The following NDUFA9 variants were observed in gnomAD, a reference collection of about 807,000 sequenced individuals.
NDUFA9 encodes the protein NADH dehydrogenase [ubiquinone] 1 alpha subcomplex subunit 9, mitochondrial.
Under a neutral mutation model 45.9 loss-of-function variants are expected in NDUFA9, and 23 were observed. That is an observed-to-expected ratio of 0.50 (90% CI 0.36 to 0.71). The LOEUF (loss-of-function observed/expected upper bound fraction) is 0.71, where lower values mean the gene tolerates loss of function less well. Ranked by LOEUF, NDUFA9 falls within the 30% of genes least tolerant of loss-of-function variation. NDUFA9 has a pLI of 0.00. For missense variants in NDUFA9, 466 were observed against 488.2 expected (o/e 0.95, Z 0.43); for synonymous variants, 176 against 170.5 (o/e 1.03, Z -0.25).
chr12:4,672,115 C>T (rs117797102), intron 8 of NDUFA9, among the ~76,000 whole-genome samples: 2,469 of 152,200 alleles, frequency 0.016, 34 homozygotes, highest in Middle Eastern at 0.048. Context: ...GGTGGGGTGT[C>T]GCTTCACCCG....
In NDUFA9 at chr12:4,649,263, A is replaced by G. The variant is rs1388593340; in HGVS notation, c.49+88A>G. The G allele has an allele frequency of 3.4e-6, 5 of 1,454,438 alleles. No homozygotes were observed. The African/African-American group carries it at 7.0e-5, about 20-fold the overall frequency. 90.1% of individuals were successfully genotyped at this position (1,454,438 alleles called of 1,614,324 possible). A position where few individuals can be genotyped will look rare whatever the true frequency, so the allele number is the denominator to read the frequency against. The stretch of plus-strand genomic sequence containing the variant: ...GAAGTGGCACCGTGCTGCAGCGGTC[A>G]CGCCAACTTCCTAGGCACACTCTGG... On this transcript the variant is annotated intron_variant, in intron 1 of 10. Transcript: ENST00000266544.
rs746167378 is a variant in NDUFA9 at position 4,687,087 on chromosome 12, G to T, written c.1113G>T (p.Pro371=). ...CTGCTGAAATTGAGGATGTGAAGCCGGCCAAGACCGTCAACATTTAGTGCC... is the reference window on the plus strand; with the variant it reads ...CTGCTGAAATTGAGGATGTGAAGCCTGCCAAGACCGTCAACATTTAGTGCC... ...WLSAEIEDVK[P]AKTVNI The change falls in exon 11 of 11, where the codon CCG becomes CCT. Residue 371 remains proline (P), a synonymous_variant. Coordinates refer to ENST00000266544, the MANE Select transcript of NDUFA9 (RefSeq NM_005002.5). 1 of 1,613,990 alleles carries T rather than the reference G, an allele frequency of 6.2e-7. No homozygotes were observed. The highest frequency in any genetic ancestry group is 8.5e-7 in the Non-Finnish European group (1 of 1,180,018).
intron 8 of NDUFA9, among the ~76,000 whole-genome samples, chr12:4,678,904 A>G (rs1000196408): frequency 6.6e-6 from 1 of 152,192 alleles, no homozygotes; most frequent in African/African-American, 2.4e-5. Context: ...CATATGGCCT[A>G]TCAATTTTAC....
intron 2 of NDUFA9, 21 bp downstream of exon 2, chr12:4,654,483 T>C (rs756088751): frequency 6.2e-7 from 1 of 1,612,338 alleles, no homozygotes; most frequent in Non-Finnish European, 8.5e-7. Context: ...TTCCTTAAGT[T>C]CATATGCTCC....
intron 6 of NDUFA9, among the ~76,000 whole-genome samples, chr12:4,663,437 T>C (rs985093729): frequency 1.3e-5 from 2 of 152,094 alleles, no homozygotes; most frequent in African/African-American, 4.8e-5. Context: ...TTGGAGGAAA[T>C]TGAGGTTAAA....
chr12:4,655,203 A>G (rs148199040), intron 3 of NDUFA9: 23 of 323,412 alleles, frequency 7.1e-5, no homozygotes, highest in African/African-American at 4.9e-4. Flanking sequence ...CTGCCCTTGT[A>G]ACTGGAAGTA....
rs1946003056 is a variant in NDUFA9, at chr12:4,688,852, GGCCATAAGCCA to G, written c.*1750_*1760del. The stretch of plus-strand genomic sequence containing the variant: ...TGTTATTTTGGATGACACCCCTCCT[GGCCATAAGCCA>G]GCCATTAGGCACAGAGATGGGTGGA... On this transcript the variant is annotated 3_prime_UTR_variant, in exon 11 of 11. Transcript: ENST00000266544. 6.6e-6 allele frequency: 1 copy of G among 152,172 alleles called. No homozygotes were observed. The highest frequency in any genetic ancestry group is 2.4e-5 in the African/African-American group (1 of 41,434). The allele number at this position is 152,172 out of a possible 1,614,324, so 9.4% of individuals were successfully genotyped here. A position where few individuals can be genotyped will look rare whatever the true frequency, so the allele number is the denominator to read the frequency against.
chr12:4,668,345 A>G (rs902227801), intron 6 of NDUFA9, 112 bp from the exon 7 acceptor site: 4 of 875,594 alleles, frequency 4.6e-6, no homozygotes, highest in East Asian at 2.5e-5. Flanking sequence ...AGAGTCAGCT[A>G]CATTCATTAT....
intron 8 of NDUFA9, among the ~76,000 whole-genome samples, chr12:4,672,089 G>A (rs1175167374): frequency 1.3e-5 from 2 of 152,168 alleles, no homozygotes; most frequent in African/African-American, 4.8e-5. Context: ...AGCCCAAGGA[G>A]GGTGAGCCAA....
chr12:4,650,548 A>G (rs1945752534), intron 1 of NDUFA9, among the ~76,000 whole-genome samples: 1 of 152,172 alleles, frequency 6.6e-6, no homozygotes, highest in Admixed American at 6.5e-5. Flanking sequence ...TGTCTGGTAA[A>G]GTAAGTTTTT....
At chr12:4,670,551 G>A (rs1182191740) in intron 8 of NDUFA9, among the ~76,000 whole-genome samples, 1 of 152,120 alleles carries the variant, frequency 6.6e-6, no homozygotes, top group Non-Finnish European at 1.5e-5. Context: ...AGAAATGTTT[G>A]CCTCTAGAGG....
chr12:4,687,035 G>A lies in NDUFA9; in HGVS notation c.1061G>A (p.Arg354Gln), dbSNP rs764064779. Residue 354 changes from arginine to glutamine, a missense_variant, in exon 11 of 11, where the codon CGG becomes CAG. Transcript: ENST00000266544. ...GAACTCAAGGCCATTGAGGTGCTGC[G>A]GCGTCATCGCACTTACCGCTGGCTG... ...PLELKAIEVLRRHRTYRWLSA... is the reference protein window; with the variant it reads ...PLELKAIEVLQRHRTYRWLSA... The A allele has an allele frequency of 3.7e-6, 6 of 1,614,028 alleles. No homozygotes were observed. The highest frequency in any genetic ancestry group is 2.2e-5 in the East Asian group (1 of 44,890).
intron 8 of NDUFA9, among the ~76,000 whole-genome samples, chr12:4,681,806 GAAA>G (rs528249535): frequency 0.022 from 3,259 of 151,058 alleles, 58 homozygotes; most frequent in Non-Finnish European, 0.034. Flanking sequence ...CATTATAAAA[GAAA>G]AAAATTTTAA....
chr12:4,690,549 C>G lies in NDUFA9; in HGVS notation c.*3441C>G, dbSNP rs975594994. On this transcript the variant is annotated 3_prime_UTR_variant, in exon 11 of 11. Coordinates refer to ENST00000266544, the MANE Select transcript of NDUFA9 (RefSeq NM_005002.5). The stretch of plus-strand genomic sequence containing the variant: ...GAAACCCCGTCTCTACTAAAAAATA[C>G]AAAAAATCAGCCAGGCATGGTGGGG... The G allele has an allele frequency of 1.3e-5, 2 of 151,986 alleles. No individual in the cohort carries two copies. Among genetic ancestry groups the G allele is most frequent in the African/African-American group, 4.8e-5 (2 of 41,360 alleles). 9.4% of individuals were successfully genotyped at this position (151,986 alleles called of 1,614,324 possible).
At chr12:4,678,102 G>A (rs1945931118) in intron 8 of NDUFA9, among the ~76,000 whole-genome samples, 1 of 151,996 alleles carries the variant, frequency 6.6e-6, no homozygotes, top group South Asian at 2.1e-4. Flanking sequence ...CATGGAAACA[G>A]GGAGGTGAAC....
At chr12:4,670,492 A>G (rs1178885689) in intron 8 of NDUFA9, among the ~76,000 whole-genome samples, 1 of 152,222 alleles carries the variant, frequency 6.6e-6, no homozygotes, top group African/African-American at 2.4e-5. Flanking sequence ...CTTGACATCT[A>G]TGAAAGTTAA....
chr12:4,678,763 G>A (rs1430711291), intron 8 of NDUFA9, among the ~76,000 whole-genome samples: 1 of 152,120 alleles, frequency 6.6e-6, no homozygotes, highest in African/African-American at 2.4e-5. Flanking sequence ...AGTTCACAGA[G>A]AGAAAATAAC....
rs771679812 is a variant in NDUFA9, at chr12:4,654,887, C to T, written c.283C>T (p.Arg95Cys). ...TGATAAATATGACATCATGCACCTT[C>T]GTCCCATGGGTGACCTGGGCCAGCT... Reference protein sequence around the residue: ...RCDKYDIMHLRPMGDLGQLLF... With the variant: ...RCDKYDIMHLCPMGDLGQLLF... The change falls in exon 3 of 11, where the codon CGT (arginine) becomes TGT (cysteine). Residue 95 changes from arginine to cysteine, a missense_variant. Coordinates refer to ENST00000266544, the MANE Select transcript of NDUFA9 (RefSeq NM_005002.5). 6.8e-6 allele frequency: 11 copies of T among 1,613,858 alleles called. No individual in the cohort carries two copies. The highest frequency in any genetic ancestry group is 2.2e-5 in the South Asian group (2 of 91,066).
intron 2 of NDUFA9, among the ~76,000 whole-genome samples, 164 bp from the exon 3 acceptor site, chr12:4,654,661 C>A (rs1945779133): frequency 6.6e-6 from 1 of 152,170 alleles, no homozygotes; most frequent in South Asian, 2.1e-4. Context: ...GAATAAGGGA[C>A]TCTGAAAAGC....
Sources: allele counts gnomAD v4.1 joint callset (sites outside exome capture counted in the v4.1 genomes callset), GRCh38; gene constraint gnomAD v4.1.1; transcripts MANE v1.5; gene names NCBI Gene and HGNC (gene_info 2026-07-23, HGNC 2026-07-21).